Variants in MBD5 observed in about 807,000 individuals in gnomAD.
MBD5 encodes methyl-CpG binding domain protein 5, also known as methyl-CpG-binding domain protein 5.
Under a neutral mutation model 117.3 loss-of-function variants are expected in MBD5, and 13 were observed. That is an observed-to-expected ratio of 0.11 (90% CI 0.07 to 0.18). The LOEUF is 0.18. Among genes scored for constraint, MBD5 ranks in the 10% least tolerant of loss-of-function variants. MBD5 has a pLI of 1.00. For missense variants in MBD5, 1,879 were observed against 2,093.8 expected (o/e 0.90, Z 2.00); for synonymous variants, 727 against 766.4 (o/e 0.95, Z 0.85).
At position 148,468,549 on chromosome 2, in the gene MBD5, A is replaced by G; in HGVS notation, c.606A>G (p.Arg202=). 1 of 1,613,902 alleles carries G rather than the reference A, an allele frequency of 6.2e-7. No homozygotes were observed. The highest frequency in any genetic ancestry group is 8.5e-7 in the Non-Finnish European group (1 of 1,179,864). The change falls in exon 8 of 14, where the codon AGA becomes AGG. Residue 202 remains arginine, a synonymous_variant. Coordinates refer to ENST00000642680, the MANE Select transcript of MBD5 (RefSeq NM_001378120.1). ...TCCACCCTGTCTACCCCCGACAGAG[A>G]TTGGGCAGCAGTGAACATGGACAGA... The part of the protein sequence containing the change: ...QELHPVYPRQ[R]LGSSEHGQKS...
intron 3 of MBD5, among the ~76,000 whole-genome samples, chr2:148,256,218 G>C (rs921315899): frequency 6.6e-6 from 1 of 152,226 alleles, no homozygotes; most frequent in East Asian, 1.9e-4. Context: ...AATGTCTTGC[G>C]TGGGCAGGGA....
intron 4 of MBD5, among the ~76,000 whole-genome samples, chr2:148,427,315 G>C (rs1356304177): frequency 6.6e-6 from 1 of 152,270 alleles, no homozygotes; most frequent in Non-Finnish European, 1.5e-5. Context: ...TATACCCAAA[G>C]GATTATAAAT....
intron 2 of MBD5, among the ~76,000 whole-genome samples, chr2:148,205,620 A>T (rs986511234): frequency 2.0e-5 from 3 of 152,254 alleles, no homozygotes; most frequent in African/African-American, 7.2e-5. Context: ...GTTTATTTGT[A>T]AAAACAAAGT....
At chr2:148,213,865 C>A (rs74939730) in intron 2 of MBD5, among the ~76,000 whole-genome samples, 6,005 of 151,952 alleles carry the variant, frequency 0.04, 160 homozygotes, top group African/African-American at 0.076. Context: ...CTTTAGCCAG[C>A]AATCTGTGAG....
intron 1 of MBD5, among the ~76,000 whole-genome samples, chr2:148,088,388 A>G (rs1371568785): frequency 6.6e-6 from 1 of 152,202 alleles, no homozygotes; most frequent in African/African-American, 2.4e-5. Flanking sequence ...CAAAAGGATC[A>G]TCACCCAAGC....
At chr2:148,039,103 A>G (rs1472496320) in intron 1 of MBD5, among the ~76,000 whole-genome samples, 1 of 152,102 alleles carries the variant, frequency 6.6e-6, no homozygotes, top group East Asian at 1.9e-4. Context: ...CTGCTTTACA[A>G]CCTTAGATCT....
intron 1 of MBD5, among the ~76,000 whole-genome samples, chr2:148,123,133 T>C (rs1022140329): frequency 6.6e-6 from 1 of 152,242 alleles, no homozygotes; most frequent in African/African-American, 2.4e-5. Context: ...TTTAGTCACA[T>C]ATGTGGGCAC....
chr2:148,162,203 A>T (rs1698020953), intron 1 of MBD5, among the ~76,000 whole-genome samples: 2 of 152,214 alleles, frequency 1.3e-5, no homozygotes, highest in African/African-American at 4.8e-5. Context: ...CTATTTGTCA[A>T]GAGTTTCCTC....
At chr2:148,183,366 A>G (rs1698574135) in intron 2 of MBD5, among the ~76,000 whole-genome samples, 1 of 152,168 alleles carries the variant, frequency 6.6e-6, no homozygotes, top group South Asian at 2.1e-4. Flanking sequence ...AGTAAAGATC[A>G]TAAGCAGGAA....
chr2:148,490,490 G>A lies in MBD5; in HGVS notation c.4858G>A (p.Asp1620Asn), dbSNP rs750381367. The A allele has an allele frequency of 1.7e-5, 28 of 1,614,042 alleles. No individual in the cohort carries two copies. Among genetic ancestry groups the A allele is most frequent in the Admixed American group, 3.3e-5 (2 of 60,008 alleles). ...TAGACCAAGGACGTTCAATGTTGGC[G>A]ACTTGGTCTGGGGCCAAATCAAAGG... is the stretch of plus-strand genomic sequence containing the variant. ...HYRPRTFNVG[D>N]LVWGQIKGLT... Residue 1620 changes from aspartate (D) to asparagine (N), a missense_variant, in exon 11 of 14, where the codon GAC becomes AAC. Around this residue, in one of 4 missense-constraint regions of MBD5, gnomAD observed 135 missense variants for 148.0 expected, o/e 0.91. Coordinates refer to ENST00000642680, the MANE Select transcript of MBD5 (RefSeq NM_001378120.1).
intron 3 of MBD5, among the ~76,000 whole-genome samples, chr2:148,252,153 A>G (rs10180813): frequency 0.012 from 1,895 of 152,234 alleles, 37 homozygotes; most frequent in African/African-American, 0.043. Context: ...TGTCCAGAGT[A>G]TCTGAAGTGT....
chr2:148,158,815 G>T (rs1172753866), intron 1 of MBD5, among the ~76,000 whole-genome samples: 4 of 152,202 alleles, frequency 2.6e-5, no homozygotes, highest in African/African-American at 9.6e-5. Flanking sequence ...CGCCTCCCGG[G>T]TTCAAGTCAT....
intron 4 of MBD5, among the ~76,000 whole-genome samples, chr2:148,359,504 A>T (rs988955580): frequency 6.6e-6 from 1 of 152,160 alleles, no homozygotes; most frequent in African/African-American, 2.4e-5. Flanking sequence ...GTCCTTTAAA[A>T]GGGCACTATT....
intron 4 of MBD5, among the ~76,000 whole-genome samples, chr2:148,402,159 CTATGTGGAAAGA>C (rs2105096193): frequency 6.6e-6 from 1 of 152,144 alleles, no homozygotes; most frequent in East Asian, 1.9e-4. Flanking sequence ...TCATTAATAA[CTATGTGGAAAGA>C]GATACTTTGA....
At position 148,445,583 on chromosome 2, in the gene MBD5, G is replaced by A. The variant is rs191334166; in HGVS notation, c.-556-12620G>A. ...CCAAGTCTTTGCTATTGTGAATAGT[G>A]CCTCAATAAACATATGTGTAAATGT... On this transcript the variant is annotated intron_variant, in intron 4 of 13. Coordinates refer to ENST00000642680, the MANE Select transcript of MBD5 (RefSeq NM_001378120.1). 2.0e-5 allele frequency among the ~76,000 whole-genome samples: 3 copies of A among 151,406 alleles called. No homozygotes were observed. In the East Asian group the frequency reaches 5.8e-4, roughly 29 times the overall value.
At chr2:148,232,097 T>A (rs896882305) in intron 2 of MBD5, among the ~76,000 whole-genome samples, 13 of 152,166 alleles carry the variant, frequency 8.5e-5, no homozygotes, top group African/African-American at 3.1e-4. Context: ...GACATTCCAA[T>A]CTGAGAGAAG....
intron 4 of MBD5, among the ~76,000 whole-genome samples, chr2:148,349,153 T>TA (rs1268582945): frequency 6.6e-6 from 1 of 151,944 alleles, no homozygotes; most frequent in African/African-American, 2.4e-5. Flanking sequence ...TCTCAGTAGT[T>TA]AAAAAGCGCT....
Position 148,489,483 on chromosome 2 carries a change from C to G in MBD5, c.3851C>G (p.Pro1284Arg). 1 of 1,614,188 alleles carries G rather than the reference C, an allele frequency of 6.2e-7. No homozygotes were observed. Among genetic ancestry groups the G allele is most frequent in the Non-Finnish European group, 8.5e-7 (1 of 1,180,028 alleles). The change falls in exon 11 of 14, where the codon CCT (proline) becomes CGT (arginine). Residue 1284 changes from proline (P) to arginine (R), a missense_variant. By Grantham distance (103) the Pro-to-Arg change is moderately radical (BLOSUM62 -2). Coordinates refer to ENST00000642680, the MANE Select transcript of MBD5 (RefSeq NM_001378120.1). ...LPENPNTTLP[P>R]FQDTPCELQP... ...GAGAATCCAAACACTACACTTCCAC[C>G]TTTTCAAGATACACCTTGTGAGTTG...
At position 148,327,431 on chromosome 2, in the gene MBD5, T is replaced by C. The variant is rs1181386057; in HGVS notation, c.-679-14783T>C. On this transcript the variant is annotated intron_variant, in intron 3 of 13. Coordinates refer to ENST00000642680, the MANE Select transcript of MBD5 (RefSeq NM_001378120.1). Reference sequence around the variant, plus strand: ...CTCCTGGATAATATCCTTTAGAGTGTTTCCTGCAGAGGGGGGGTTCCATTC... The same window carrying C: ...CTCCTGGATAATATCCTTTAGAGTGCTTCCTGCAGAGGGGGGGTTCCATTC... Among the ~76,000 whole-genome samples the C allele has an allele frequency of 2.0e-5, 3 of 152,220 alleles. No homozygotes were observed. In the East Asian group the frequency reaches 5.8e-4, roughly 29 times the overall value.
Sources: gnomAD v4.1 joint callset for allele counts (sites outside exome capture counted in the v4.1 genomes callset) on GRCh38, gnomAD v4.1.1 for gene constraint, gnomAD v4.1.1 regional missense constraint, MANE v1.5 for transcripts, NCBI Gene and HGNC (gene_info 2026-07-23, HGNC 2026-07-21) for gene names.